Variants in ASAP3 observed in about 807,000 individuals in gnomAD.
ASAP3 encodes the protein arf-GAP with SH3 domain, ANK repeat and PH domain-containing protein 3.
ASAP3 carries 85 observed loss-of-function variants against 118.2 expected under a neutral mutation model. The ratio of observed to expected loss-of-function variants is 0.72; its 90% CI spans 0.60 to 0.86. The LOEUF is 0.86. ASAP3 is among the 40% of genes least tolerant of loss of function. The pLI is 0.00. For missense variants in ASAP3, 1,026 were observed against 1,175.0 expected, an observed-to-expected ratio of 0.87 and a Z score of 1.85; for synonymous variants, 432 against 477.4, an observed-to-expected ratio of 0.90 and a Z score of 1.24.
At chr1:23,441,534 G>A in intron 8 of ASAP3, 61 bp from the exon 9 acceptor site, 1 of 1,605,570 alleles carries the variant, frequency 6.2e-7, no homozygotes, top group Non-Finnish European at 8.5e-7. Context: ...ACAGAGCCCA[G>A]ACCCAGAAGA....
rs74377391 is a variant in ASAP3 at position 23,452,414 on chromosome 1, G to A, written c.423+283C>T. Among the ~76,000 whole-genome samples, 384 of 152,294 alleles carry A rather than the reference G, an allele frequency of 2.5e-3. 2 individuals are homozygous for A. Among genetic ancestry groups the A allele is most frequent in the African/African-American group, 9.0e-3 (372 of 41,560 alleles). ...CAGGTTACCTAACTCCCTTGGCCTC[G>A]AATTTCAACTGCAAAATGGGGATGA... On this transcript the variant is annotated intron_variant, in intron 4 of 24. Coordinates refer to ENST00000336689, the MANE Select transcript of ASAP3 (RefSeq NM_017707.4).
At chr1:23,474,418 C>G (rs1162582431) in intron 1 of ASAP3, among the ~76,000 whole-genome samples, 1 of 152,082 alleles carries the variant, frequency 6.6e-6, no homozygotes, top group Non-Finnish European at 1.5e-5. Context: ...AGGCACAACA[C>G]TGTCTTATTT....
chr1:23,450,523 G>T (rs1570364493), intron 5 of ASAP3, among the ~76,000 whole-genome samples: 1 of 147,448 alleles, frequency 6.8e-6, no homozygotes, highest in Admixed American at 6.8e-5. Flanking sequence ...TGAAAATTAA[G>T]AATTTTTCTC....
intron 5 of ASAP3, among the ~76,000 whole-genome samples, chr1:23,443,558 TTTTC>T (rs778192672): frequency 3.3e-5 from 5 of 152,112 alleles, no homozygotes; most frequent in Non-Finnish European, 7.4e-5. Flanking sequence ...TTTATTTTCT[TTTTC>T]TTTCTTTTTC....
At chr1:23,445,459 C>G (rs1394608818) in intron 5 of ASAP3, among the ~76,000 whole-genome samples, 2 of 151,620 alleles carry the variant, frequency 1.3e-5, no homozygotes, top group African/African-American at 4.9e-5. Context: ...CCACTGCACT[C>G]CAGCCTGGGT....
At chr1:23,459,525 C>A (rs1299802574) in intron 1 of ASAP3, among the ~76,000 whole-genome samples, 1 of 152,192 alleles carries the variant, frequency 6.6e-6, no homozygotes, top group Non-Finnish European at 1.5e-5. Context: ...CAATCAGATT[C>A]TCTCTCCAAG....
intron 3 of ASAP3, among the ~76,000 whole-genome samples, chr1:23,453,947 G>A (rs968941047): frequency 6.6e-6 from 1 of 152,090 alleles, no homozygotes; most frequent in East Asian, 1.9e-4. Flanking sequence ...CAGACCCCCA[G>A]GAAACACTAG....
At chr1:23,442,087 CA>C (rs1198044020) in intron 7 of ASAP3, 98 bp downstream of exon 7, 9 of 1,278,566 alleles carry the variant, frequency 7.0e-6, no homozygotes, top group Non-Finnish European at 1.0e-5. Context: ...CAAAAAGATG[CA>C]GGCCTCCAAA....
At chr1:23,463,324 T>C (rs1641656649) in intron 1 of ASAP3, among the ~76,000 whole-genome samples, 1 of 151,994 alleles carries the variant, frequency 6.6e-6, no homozygotes. Context: ...ACCTATCCTG[T>C]GGTATAATAG....
chr1:23,456,355 C>T (rs1339737934), intron 1 of ASAP3, among the ~76,000 whole-genome samples, 161 bp from the exon 2 acceptor site: 1 of 152,160 alleles, frequency 6.6e-6, no homozygotes, highest in Non-Finnish European at 1.5e-5. Context: ...TTCCTGTTTA[C>T]CCCACCAAAC....
chr1:23,456,295 C>T, intron 1 of ASAP3, 101 bp from the exon 2 acceptor site: 1 of 1,067,006 alleles, frequency 9.4e-7, no homozygotes, highest in Non-Finnish European at 1.4e-6. Context: ...AACCGCCCTC[C>T]AAACAAATAC....
intron 5 of ASAP3, among the ~76,000 whole-genome samples, chr1:23,450,546 AG>A (rs1246726436): frequency 1.3e-5 from 2 of 151,484 alleles, no homozygotes; most frequent in African/African-American, 4.8e-5. Flanking sequence ...ATTTTTGGGT[AG>A]TTTCTCCCCA....
At chr1:23,455,079 G>A (rs556258967) in intron 3 of ASAP3, among the ~76,000 whole-genome samples, 1 of 152,330 alleles carries the variant, frequency 6.6e-6, no homozygotes, top group African/African-American at 2.4e-5. Context: ...TTCCTGGGAG[G>A]CAGTGTAGCC....
chr1:23,459,649 G>A (rs1165141462), intron 1 of ASAP3, among the ~76,000 whole-genome samples: 2 of 152,228 alleles, frequency 1.3e-5, no homozygotes, highest in Admixed American at 6.5e-5. Context: ...AGAAAGACAT[G>A]AACAAGCCCC....
intron 1 of ASAP3, among the ~76,000 whole-genome samples, chr1:23,457,665 C>T (rs531700808): frequency 6.6e-6 from 1 of 152,150 alleles, no homozygotes; most frequent in Non-Finnish European, 1.5e-5. Flanking sequence ...TACAGGTGCC[C>T]ACCACCTGGC....
chr1:23,439,861 C>A (rs1640800982), intron 10 of ASAP3, among the ~76,000 whole-genome samples: 1 of 152,140 alleles, frequency 6.6e-6, no homozygotes, highest in African/African-American at 2.4e-5. Flanking sequence ...GTCACCCAGG[C>A]TGGAATACAG....
chr1:23,447,524 G>A (rs1056206762), intron 5 of ASAP3, among the ~76,000 whole-genome samples: 2 of 152,146 alleles, frequency 1.3e-5, no homozygotes, highest in Non-Finnish European at 2.9e-5. Flanking sequence ...GTCTCGGAAC[G>A]TATCCCCCAA....
intron 23 of ASAP3, 141 bp from the exon 24 acceptor site, chr1:23,431,266 A>G: frequency 1.2e-6 from 1 of 807,036 alleles, no homozygotes; most frequent in Non-Finnish European, 2.0e-6. Flanking sequence ...CAGGTCCATC[A>G]CAGGCCCAAG....
chr1:23,478,794 C>A (rs553147046), intron 1 of ASAP3, among the ~76,000 whole-genome samples: 129 of 152,098 alleles, frequency 8.5e-4, no homozygotes, highest in African/African-American at 2.8e-3. Context: ...TGAAAAAACT[C>A]CTATACCTGA....
Sources: gnomAD v4.1 joint callset for allele counts (sites outside exome capture counted in the v4.1 genomes callset) on GRCh38, gnomAD v4.1.1 for gene constraint, MANE v1.5 for transcripts, NCBI Gene and HGNC (gene_info 2026-07-23, HGNC 2026-07-21) for gene names.